Variants in GMPPB observed in about 807,000 individuals in gnomAD.
GMPPB encodes GDP-mannose pyrophosphorylase B.
Under a neutral mutation model 40.3 loss-of-function variants are expected in GMPPB, and 38 were observed. The ratio of observed to expected loss-of-function variants is 0.94; its 90% CI spans 0.73 to 1.24. The LOEUF (loss-of-function observed/expected upper bound fraction) is 1.24, where lower values mean the gene tolerates loss of function less well. GMPPB is among the 50% of genes most tolerant of loss of function. GMPPB has a pLI of 0.00. For synonymous variants in GMPPB, 193 were observed against 191.8 expected, an observed-to-expected ratio of 1.01 and a Z score of -0.05; for missense variants, 436 against 487.1, an observed-to-expected ratio of 0.90 and a Z score of 0.99.
Position 49,722,637 on chromosome 3 carries a change from C to T in GMPPB, c.520G>A (p.Gly174Ser), listed in dbSNP as rs2080434978. 3 of 1,614,106 alleles carry T rather than the reference C, an allele frequency of 1.9e-6. No homozygotes were observed. The highest frequency in any genetic ancestry group is 2.5e-6 in the Non-Finnish European group (3 of 1,180,020). The change falls in exon 5 of 9, where the codon GGC becomes AGC. Residue 174 changes from glycine to serine, a missense_variant. Coordinates refer to ENST00000308388, the MANE Select transcript of GMPPB (RefSeq NM_021971.4). ...QVFVSNKINA[G>S]MYILSPAVLQ... Reference sequence around the variant, plus strand: ...ACTGCAGGGCTCAGGATGTACATGCCTGCGTTGATCTTATTGGACACAAAC... The same window carrying T: ...ACTGCAGGGCTCAGGATGTACATGCTTGCGTTGATCTTATTGGACACAAAC...
rs368719215 is a variant in GMPPB, at chr3:49,723,316, GC to G, written c.211-15del. The G allele has an allele frequency of 1.7e-5, 27 of 1,614,078 alleles. No individual in the cohort carries two copies. The highest frequency in any genetic ancestry group is 2.2e-5 in the East Asian group (1 of 44,882). ...TCGGATTCCCAGCTGGAAGGAAGAGGCCCCCCCAGTCAGGTTCTACCAGGAT... is the reference window on the plus strand; with the variant it reads ...TCGGATTCCCAGCTGGAAGGAAGAGGCCCCCCAGTCAGGTTCTACCAGGAT... On this transcript the variant is annotated splice_polypyrimidine_tract_variant and intron_variant, in intron 2 of 8. Transcript: ENST00000308388.
In GMPPB at chr3:49,723,942, C is replaced by T. The variant is rs1559698320; in HGVS notation, c.-216G>A. On this transcript the variant is annotated 5_prime_UTR_variant, in exon 1 of 9. Transcript: ENST00000308388. ...GCGACACCGGGTAGACGGCTGCTGG[C>T]CCCGAACTCAGGCCGGACCCGGCGC... 1 of 473,890 alleles carries T rather than the reference C, an allele frequency of 2.1e-6. No individual in the cohort carries two copies. Among genetic ancestry groups the T allele is most frequent in the East Asian group, 3.5e-5 (1 of 28,508 alleles). The allele number at this position is 473,890 out of a possible 1,614,324, so 29.4% of individuals were successfully genotyped here.
rs747414164 is a variant in GMPPB, at chr3:49,723,852, C to T, written c.-126G>A. 2.4e-4 allele frequency: 277 copies of T among 1,152,562 alleles called. 1 individual carries two copies. Among genetic ancestry groups the T allele is most frequent in the Non-Finnish European group, 2.9e-4 (243 of 847,134 alleles). The allele number at this position is 1,152,562 out of a possible 1,614,324, so 71.4% of individuals were successfully genotyped here. ...GCCCTTCACCAACCCGCCTGACAGACTCTGGCTCCACCTCGTCCGCCCGGT... is the reference window on the plus strand; with the variant it reads ...GCCCTTCACCAACCCGCCTGACAGATTCTGGCTCCACCTCGTCCGCCCGGT... On this transcript the variant is annotated 5_prime_UTR_variant, in exon 1 of 9. Coordinates refer to ENST00000308388, the MANE Select transcript of GMPPB (RefSeq NM_021971.4).
At chr3:49,723,521 C>T in intron 1 of GMPPB, 49 bp from the exon 2 acceptor site, 1 of 1,611,346 alleles carries the variant, frequency 6.2e-7, no homozygotes, top group South Asian at 1.1e-5. Context: ...GGTACGGGAG[C>T]CCCTGACCCC....
Position 49,723,415 on chromosome 3 carries a change from C to T in GMPPB, c.187G>A (p.Glu63Lys). ...ACCCTCTGCTCCTGTGCCTTCATTTCCTTCTCCAGCACCTGCGACATGTAG... is the reference window on the plus strand; with the variant it reads ...ACCCTCTGCTCCTGTGCCTTCATTTTCTTCTCCAGCACCTGCGACATGTAG... ...VSYMSQVLEKEMKAQEQRLGI... is the reference protein window; with the variant it reads ...VSYMSQVLEKKMKAQEQRLGI... Residue 63 changes from glutamate (E) to lysine (K), a missense_variant, in exon 2 of 9, where the codon GAA becomes AAA. Glu to Lys is a moderately conservative substitution (Grantham distance 56). Coordinates refer to ENST00000308388, the MANE Select transcript of GMPPB (RefSeq NM_021971.4). 1 of 1,614,170 alleles carries T rather than the reference C, an allele frequency of 6.2e-7. No individual in the cohort carries two copies. Among genetic ancestry groups the T allele is most frequent in the Non-Finnish European group, 8.5e-7 (1 of 1,180,034 alleles).
intron 6 of GMPPB, 22 bp from the exon 7 acceptor site, chr3:49,722,380 G>A: frequency 1.2e-6 from 2 of 1,613,482 alleles, no homozygotes; most frequent in Non-Finnish European, 1.7e-6. Context: ...GATGCATCAG[G>A]GGCCTCAGCC....
Position 49,720,602 on chromosome 3 carries a change from C to A in GMPPB, c.*1150G>T. 2 of 1,610,538 alleles carry A rather than the reference C, an allele frequency of 1.2e-6. No individual in the cohort carries two copies. The highest frequency in any genetic ancestry group is 1.7e-6 in the Non-Finnish European group (2 of 1,177,706). On this transcript the variant is annotated 3_prime_UTR_variant, in exon 9 of 9. Coordinates refer to ENST00000308388, the MANE Select transcript of GMPPB (RefSeq NM_021971.4). ...CCTGGGACAGCCAGAGCCCCCAGCA[C>A]CTGGCACTGCTCTGCCAGCCCCTGA... is the stretch of plus-strand genomic sequence containing the variant.
Position 49,720,503 on chromosome 3 carries a change from C to T in GMPPB, c.*1249G>A, listed in dbSNP as rs1434651789. 2 of 1,554,878 alleles carry T rather than the reference C, an allele frequency of 1.3e-6. No individual in the cohort carries two copies. Among genetic ancestry groups the T allele is most frequent in the Non-Finnish European group, 1.7e-6 (2 of 1,149,014 alleles). Reference sequence around the variant, plus strand: ...CTTCTGACTGCCCTTGCACCCTCCCCTACCTAGGAGAGAGCAAGCCACATC... The same window carrying T: ...CTTCTGACTGCCCTTGCACCCTCCCTTACCTAGGAGAGAGCAAGCCACATC... On this transcript the variant is annotated 3_prime_UTR_variant, in exon 9 of 9. Coordinates refer to ENST00000308388, the MANE Select transcript of GMPPB (RefSeq NM_021971.4).
rs867770112 is a variant in GMPPB at position 49,723,108 on chromosome 3, G to A, written c.266C>T (p.Pro89Leu). The part of the protein sequence containing the change: ...HEEEPLGTAG[P>L]LALARDLLSE... Reference sequence around the variant, plus strand: ...GAGTAGGTCACGGGCCAGCGCCAGGGGCCCAGCTGGGGGAAGGGGACAGGT... The same window carrying A: ...GAGTAGGTCACGGGCCAGCGCCAGGAGCCCAGCTGGGGGAAGGGGACAGGT... Residue 89 changes from proline to leucine, a missense_variant, in exon 4 of 9, where the codon CCC (proline) becomes CTC (leucine). By Grantham distance (98) the Pro-to-Leu change is moderately conservative. Coordinates refer to ENST00000308388, the MANE Select transcript of GMPPB (RefSeq NM_021971.4). 2 of 1,613,922 alleles carry A rather than the reference G, an allele frequency of 1.2e-6. No homozygotes were observed. The highest frequency in any genetic ancestry group is 1.7e-6 in the Non-Finnish European group (2 of 1,179,946).
At chr3:49,723,174 A>G in intron 3 of GMPPB, 60 bp from the exon 4 acceptor site, 1 of 1,611,236 alleles carries the variant, frequency 6.2e-7, no homozygotes, top group Non-Finnish European at 8.5e-7. Flanking sequence ...ATTCAGGCTC[A>G]GCAGGCCCAC....
chr3:49,722,143 G>A lies in GMPPB; in HGVS notation c.773C>T (p.Pro258Leu). 1 of 1,610,060 alleles carries A rather than the reference G, an allele frequency of 6.2e-7. No individual in the cohort carries two copies. Among genetic ancestry groups the A allele is most frequent in the Non-Finnish European group, 8.5e-7 (1 of 1,177,300 alleles). The change falls in exon 8 of 9, where the codon CCA (proline) becomes CTA (leucine). Residue 258 changes from proline (P) to leucine (L), a missense_variant. By Grantham distance (98) the Pro-to-Leu change is moderately conservative. Coordinates refer to ENST00000308388, the MANE Select transcript of GMPPB (RefSeq NM_021971.4). The part of the protein sequence containing the change: ...PGIVGNVLVD[P>L]SARIGQNCSI... Reference sequence around the variant, plus strand: ...GCAGTTCTGGCCGATGCGGGCACTTGGGTCCTGAGAGCGGTGGGAAAAATA... The same window carrying A: ...GCAGTTCTGGCCGATGCGGGCACTTAGGTCCTGAGAGCGGTGGGAAAAATA...
rs966989456 is a variant in GMPPB at position 49,723,872 on chromosome 3, C to G, written c.-146G>C. On this transcript the variant is annotated 5_prime_UTR_variant, in exon 1 of 9. Transcript: ENST00000308388. ...ACAGACTCTGGCTCCACCTCGTCCG[C>G]CCGGTCGCCCTGACGCCGGATCCAG... 2.2e-5 allele frequency: 20 copies of G among 922,524 alleles called. No homozygotes were observed. Among genetic ancestry groups the G allele is most frequent in the Non-Finnish European group, 3.0e-5 (19 of 642,606 alleles). 57.1% of individuals were successfully genotyped at this position (922,524 alleles called of 1,614,324 possible). A position where few individuals can be genotyped will look rare whatever the true frequency, so the allele number is the denominator to read the frequency against.
Position 49,721,008 on chromosome 3 carries a change from T to TC in GMPPB, c.*743dup. The TC allele has an allele frequency of 6.2e-7, 1 of 1,609,694 alleles. No individual in the cohort carries two copies. Among genetic ancestry groups the TC allele is most frequent in the Non-Finnish European group, 8.5e-7 (1 of 1,176,886 alleles). ...TCCAACTCCAGCCCACCCTTCACTC[T>TC]CCTCCCTGCAGCCCACCAGTGAGGA... On this transcript the variant is annotated 3_prime_UTR_variant, in exon 9 of 9. Transcript: ENST00000308388.
rs2080461832 is a variant in GMPPB, at chr3:49,723,740, G to C, written c.-14C>G. 6.3e-7 allele frequency: 1 copy of C among 1,577,536 alleles called. No individual in the cohort carries two copies. Among genetic ancestry groups the C allele is most frequent in the Non-Finnish European group, 8.6e-7 (1 of 1,167,448 alleles). On this transcript the variant is annotated 5_prime_UTR_variant, in exon 1 of 9. Coordinates refer to ENST00000308388, the MANE Select transcript of GMPPB (RefSeq NM_021971.4). Reference sequence around the variant, plus strand: ...CAGTGCCTTCATCGCGCCTGCGGACGTTGAGGGGGTGTCCCGGGCTCTGAG... The same window carrying C: ...CAGTGCCTTCATCGCGCCTGCGGACCTTGAGGGGGTGTCCCGGGCTCTGAG...
In GMPPB at chr3:49,723,809, C is replaced by A; in HGVS notation, c.-83G>T. The A allele has an allele frequency of 1.4e-6, 2 of 1,432,766 alleles. No homozygotes were observed. The highest frequency in any genetic ancestry group is 1.8e-6 in the Non-Finnish European group (2 of 1,090,124). The allele number at this position is 1,432,766 out of a possible 1,614,324, so 88.8% of individuals were successfully genotyped here. ...GCCGGTCCCTGCCGCGCACTCCCAA[C>A]GCCGTGCCCGGCCCCGCGCCCTTCA... is the stretch of plus-strand genomic sequence containing the variant. On this transcript the variant is annotated 5_prime_UTR_variant, in exon 1 of 9. Transcript: ENST00000308388.
chr3:49,720,369 G>A lies in GMPPB; in HGVS notation c.*1383C>T, dbSNP rs2080372971. On this transcript the variant is annotated 3_prime_UTR_variant, in exon 9 of 9. Coordinates refer to ENST00000308388, the MANE Select transcript of GMPPB (RefSeq NM_021971.4). ...GGCACCTTACTAGAATACAGGACTT[G>A]GGGTTTGGGAAGCAGGGAGACGGAA... 2 of 777,556 alleles carry A rather than the reference G, an allele frequency of 2.6e-6. No homozygotes were observed. Among genetic ancestry groups the A allele is most frequent in the South Asian group, 2.9e-5 (1 of 34,924 alleles). 48.2% of individuals were successfully genotyped at this position (777,556 alleles called of 1,614,324 possible). A position where few individuals can be genotyped will look rare whatever the true frequency, so the allele number is the denominator to read the frequency against.
Position 49,721,983 on chromosome 3 carries a change from G to A in GMPPB, c.933C>T (p.Arg311=), listed in dbSNP as rs2080419735. Residue 311 remains arginine, a synonymous_variant, in exon 8 of 9, where the codon CGC becomes CGT. Transcript: ENST00000308388. ...SWLESCIVGW[R]CRVGQWVRME... ...GGCTTACCCACTGACCCACGCGGCA[G>A]CGCCAGCCCACAATGCAGGACTCAA... The A allele has an allele frequency of 3.3e-6, 5 of 1,537,114 alleles. No homozygotes were observed. The South Asian group carries it at 5.6e-5, about 17-fold the overall frequency.
chr3:49,723,326 T>G, intron 2 of GMPPB, 24 bp from the exon 3 acceptor site: 1 of 1,614,072 alleles, frequency 6.2e-7, no homozygotes, highest in Non-Finnish European at 8.5e-7. Context: ...GCCCCCCCAG[T>G]CAGGTTCTAC....
At position 49,721,364 on chromosome 3, in the gene GMPPB, C is replaced by T; in HGVS notation, c.*388G>A. 1 of 1,609,606 alleles carries T rather than the reference C, an allele frequency of 6.2e-7. No homozygotes were observed. Among genetic ancestry groups the T allele is most frequent in the Non-Finnish European group, 8.5e-7 (1 of 1,176,040 alleles). ...CTTTGAACCCAGAGCCAGGCTGGGC[C>T]CTATTTATGAGCTCCCTTTGCCCTT... On this transcript the variant is annotated 3_prime_UTR_variant, in exon 9 of 9. Coordinates refer to ENST00000308388, the MANE Select transcript of GMPPB (RefSeq NM_021971.4).
Sources: gnomAD v4.1 joint callset for allele counts on GRCh38, gnomAD v4.1.1 for gene constraint, MANE v1.5 for transcripts, NCBI Gene and HGNC (gene_info 2026-07-23, HGNC 2026-07-21) for gene names.